Variants in IQSEC1 observed in about 807,000 individuals in gnomAD.
IQSEC1 encodes IQ motif and SEC7 domain-containing protein 1.
A neutral mutation model predicts 91.0 loss-of-function variants in IQSEC1; 31 were observed. The ratio of observed to expected loss-of-function variants is 0.34; its 90% CI spans 0.26 to 0.46. IQSEC1 has a LOEUF of 0.46. Ranked by LOEUF, IQSEC1 falls within the 20% of genes least tolerant of loss-of-function variation. The pLI is 1.00. For synonymous variants in IQSEC1, 699 were observed against 662.6 expected (o/e 1.05, Z -0.84); for missense variants, 1,388 against 1,575.6 (o/e 0.88, Z 2.02).
intron 1 of IQSEC1, among the ~76,000 whole-genome samples, chr3:13,063,190 T>C (rs1705127225): frequency 6.6e-6 from 1 of 152,200 alleles, no homozygotes; most frequent in African/African-American, 2.4e-5. Flanking sequence ...CACTGCCCTG[T>C]TCACTGCCCT....
At position 12,940,742 on chromosome 3, in the gene IQSEC1, G is replaced by A. The variant is rs1022600629; in HGVS notation, c.318+829C>T. Among the ~76,000 whole-genome samples the A allele has an allele frequency of 1.3e-5, 2 of 152,172 alleles. No individual in the cohort carries two copies. The highest frequency in any genetic ancestry group is 4.8e-5 in the African/African-American group (2 of 41,454). On this transcript the variant is annotated intron_variant, in intron 2 of 13. Coordinates refer to ENST00000613206, the MANE Select transcript of IQSEC1 (RefSeq NM_001134382.3). The surrounding 1 kb of genome is among the most constrained non-coding windows in gnomAD (Gnocchi z 4.4). The stretch of plus-strand genomic sequence containing the variant: ...TGCTAAGCGGCTTGTCCATGCACTG[G>A]CCCACTCACCCCCTCACTCATCCAT...
chr3:12,971,569 A>G (rs1000388706), intron 1 of IQSEC1, among the ~76,000 whole-genome samples: 4 of 152,220 alleles, frequency 2.6e-5, no homozygotes, highest in African/African-American at 9.6e-5. Flanking sequence ...ATTGTGATAG[A>G]AAGTCCAGAA....
chr3:13,018,783 C>T (rs999281413), intron 1 of IQSEC1, among the ~76,000 whole-genome samples: 6 of 152,226 alleles, frequency 3.9e-5, no homozygotes, highest in Admixed American at 6.5e-5. Flanking sequence ...AATGCCTCAG[C>T]AGCACCTACT....
chr3:12,980,269 C>T (rs1370169917), intron 1 of IQSEC1, among the ~76,000 whole-genome samples: 1 of 152,204 alleles, frequency 6.6e-6, no homozygotes, highest in Non-Finnish European at 1.5e-5. Context: ...GGGAATCCAA[C>T]CTGTTTGCCC....
intron 1 of IQSEC1, among the ~76,000 whole-genome samples, chr3:13,216,451 G>A (rs1165470157): frequency 6.6e-6 from 1 of 152,190 alleles, no homozygotes; most frequent in African/African-American, 2.4e-5. Flanking sequence ...TGAGGGCAGG[G>A]AGCCCCCCAG....
intron 2 of IQSEC1, among the ~76,000 whole-genome samples, chr3:13,123,833 G>A (rs560543492): frequency 3.9e-5 from 6 of 152,354 alleles, no homozygotes; most frequent in Admixed American, 1.3e-4. Flanking sequence ...TGAGCCTGGC[G>A]AGACTGATTA....
At chr3:13,201,362 A>G (rs942885104) in intron 1 of IQSEC1, among the ~76,000 whole-genome samples, 2 of 151,994 alleles carry the variant, frequency 1.3e-5, no homozygotes, top group African/African-American at 4.8e-5. Context: ...GACAGGTCTC[A>G]CTCTTTCACC....
intron 1 of IQSEC1, among the ~76,000 whole-genome samples, chr3:13,260,677 A>G (rs984532045): frequency 3.3e-5 from 5 of 152,224 alleles, no homozygotes; most frequent in Admixed American, 6.5e-5. Context: ...TGTGCCAGAC[A>G]CTATGCAGGG....
rs1280037241 is a variant in IQSEC1 at position 13,014,961 on chromosome 3, T to C, written c.23+58031A>G. On this transcript the variant is annotated intron_variant, in intron 1 of 13. Coordinates refer to ENST00000613206, the MANE Select transcript of IQSEC1 (RefSeq NM_001134382.3). ...GCGAGCCTGGGGCAGGGAAGACTTC[T>C]GCAAGGCAGTGTCTCCTCAACACAG... 2.6e-5 allele frequency among the ~76,000 whole-genome samples: 4 copies of C among 152,192 alleles called. No individual in the cohort carries two copies. In the East Asian group the frequency reaches 7.7e-4, roughly 29 times the overall value.
In IQSEC1 at chr3:13,068,960, T is replaced by C. The variant is rs555235669; in HGVS notation, c.23+4032A>G. On this transcript the variant is annotated intron_variant, in intron 1 of 13. Transcript: ENST00000613206. ...GTGGTTCCCAGCACTGAGCTGGACATACAGCAGGTGCACCATGAACACTAG... is the reference window on the plus strand; with the variant it reads ...GTGGTTCCCAGCACTGAGCTGGACACACAGCAGGTGCACCATGAACACTAG... Among the ~76,000 whole-genome samples the C allele has an allele frequency of 2.6e-5, 4 of 152,306 alleles. No homozygotes were observed. In the East Asian group the frequency reaches 5.8e-4, roughly 22 times the overall value.
intron 13 of IQSEC1, among the ~76,000 whole-genome samples, chr3:12,901,972 A>C (rs1694366013): frequency 6.6e-6 from 1 of 150,694 alleles, no homozygotes; most frequent in Admixed American, 6.6e-5. Context: ...GGACTGCTCA[A>C]CTGGGCTGAG....
chr3:12,939,477 A>G (rs1483119417), intron 2 of IQSEC1, among the ~76,000 whole-genome samples: 3 of 152,210 alleles, frequency 2.0e-5, no homozygotes, highest in Non-Finnish European at 2.9e-5. Flanking sequence ...TCCTTTCACT[A>G]AAATGGACTC....
At chr3:12,932,126 T>C (rs1271012934) in intron 3 of IQSEC1, among the ~76,000 whole-genome samples, 1 of 152,194 alleles carries the variant, frequency 6.6e-6, no homozygotes, top group Admixed American at 6.5e-5. Flanking sequence ...TAGCCAGGCA[T>C]GTACCCCTGA....
At chr3:13,000,624 T>A (rs779002219) in intron 1 of IQSEC1, among the ~76,000 whole-genome samples, 7 of 152,206 alleles carry the variant, frequency 4.6e-5, no homozygotes, top group Non-Finnish European at 7.3e-5. Context: ...TACAGAGCCA[T>A]GCCCTGTAAG....
intron 1 of IQSEC1, among the ~76,000 whole-genome samples, chr3:13,242,125 A>G (rs531046594): frequency 2.0e-5 from 3 of 152,318 alleles, no homozygotes; most frequent in Middle Eastern, 3.4e-3. Context: ...TGCCACCTTC[A>G]CTGTGAGAGC....
intron 1 of IQSEC1, among the ~76,000 whole-genome samples, chr3:13,012,219 T>C (rs1478182670): frequency 6.6e-6 from 1 of 152,204 alleles, no homozygotes; most frequent in Non-Finnish European, 1.5e-5. Flanking sequence ...CAGCCAGGAC[T>C]TCCAAGAACC....
chr3:12,957,404 C>T (rs971449027), intron 1 of IQSEC1, among the ~76,000 whole-genome samples: 4 of 152,214 alleles, frequency 2.6e-5, no homozygotes, highest in Admixed American at 2.0e-4. Context: ...TGGGCTCACT[C>T]GGAAAGATTT....
At chr3:13,133,974 T>A (rs1361134790) in intron 2 of IQSEC1, among the ~76,000 whole-genome samples, 1 of 152,206 alleles carries the variant, frequency 6.6e-6, no homozygotes, top group African/African-American at 2.4e-5. Flanking sequence ...TGACTCTCAA[T>A]CTGAGGAGGC....
rs1160375237 is a variant in IQSEC1 at position 13,214,539 on chromosome 3, G to T, written c.273-50406C>A. ...CTTTCATGGCCTCCATTGCACGTGG[G>T]TGCAGCCTGGGGCCTCTCACTGCCA... On this transcript the variant is annotated intron_variant, in intron 1 of 15. Transcript: ENST00000648114. The surrounding 1 kb of genome is among the most constrained non-coding windows in gnomAD (Gnocchi z 4.5). Among the ~76,000 whole-genome samples, 2 of 152,272 alleles carry T rather than the reference G, an allele frequency of 1.3e-5. No individual in the cohort carries two copies. The highest frequency in any genetic ancestry group is 2.9e-5 in the Non-Finnish European group (2 of 68,054).
Sources: allele counts gnomAD v4.1 joint callset (sites outside exome capture counted in the v4.1 genomes callset), GRCh38; gene constraint gnomAD v4.1.1; non-coding constraint Gnocchi (gnomAD v3.1); transcripts MANE v1.5; gene names NCBI Gene and HGNC (gene_info 2026-07-23, HGNC 2026-07-21).